ERCC6L2: variants seen among roughly 807,000 people sequenced by gnomAD.
The protein encoded by ERCC6L2 is DNA excision repair protein ERCC-6-like 2.
In ERCC6L2, 77 loss-of-function variants were observed where a neutral mutation model predicts 132.0. The observed-to-expected ratio is 0.58, with a 90% CI of 0.49 to 0.71. ERCC6L2 has a LOEUF of 0.71. Ranked by LOEUF, ERCC6L2 falls within the 30% of genes least tolerant of loss-of-function variation. The pLI is 0.00. For synonymous variants in ERCC6L2, 583 were observed against 632.4 expected (o/e 0.92, Z 1.17); for missense variants, 1,542 against 1,837.6 (o/e 0.84, Z 2.94).
At chr9:95,888,708 T>C (rs912106500) in intron 2 of ERCC6L2, among the ~76,000 whole-genome samples, 1 of 152,168 alleles carries the variant, frequency 6.6e-6, no homozygotes, top group Non-Finnish European at 1.5e-5. Flanking sequence ...CCAAATCTCC[T>C]TGCATGTCAG....
At position 96,017,063 on chromosome 9, in the gene ERCC6L2, C is replaced by T. The variant is rs932329805; in HGVS notation, c.*3860C>T. On this transcript the variant is annotated 3_prime_UTR_variant, in exon 19 of 19. Transcript: ENST00000653738. ...CTTCAAAGAGCAAGAGTGCCCATCACTTTCTAGGCTCCTTGCCTGCTGCTC... is the reference window on the plus strand; with the variant it reads ...CTTCAAAGAGCAAGAGTGCCCATCATTTTCTAGGCTCCTTGCCTGCTGCTC... Among the ~76,000 whole-genome samples, 1 of 152,208 alleles carries T rather than the reference C, an allele frequency of 6.6e-6. No individual in the cohort carries two copies. Among genetic ancestry groups the T allele is most frequent in the African/African-American group, 2.4e-5 (1 of 41,428 alleles).
intron 13 of ERCC6L2, among the ~76,000 whole-genome samples, chr9:95,964,881 G>A (rs1832081525): frequency 6.6e-6 from 1 of 152,032 alleles, no homozygotes; most frequent in South Asian, 2.1e-4. Context: ...TATAAATTTT[G>A]TAATAAAACT....
intron 11 of ERCC6L2, among the ~76,000 whole-genome samples, chr9:95,930,922 A>G (rs962820597): frequency 1.3e-5 from 2 of 152,122 alleles, no homozygotes; most frequent in African/African-American, 4.8e-5. Context: ...TTACTTTGTC[A>G]AGGGTATTAA....
chr9:95,946,832 T>C (rs1831087007), intron 12 of ERCC6L2, among the ~76,000 whole-genome samples: 1 of 152,206 alleles, frequency 6.6e-6, no homozygotes, highest in Non-Finnish European at 1.5e-5. Context: ...GATGGTGATC[T>C]GTGATCACTG....
At chr9:95,973,201 T>C (rs1356633998) in intron 16 of ERCC6L2, 113 bp downstream of exon 16, 1 of 658,082 alleles carries the variant, frequency 1.5e-6, no homozygotes, top group Non-Finnish European at 2.2e-6. Context: ...GATGCTGCAT[T>C]GAGGCACAAA....
At chr9:96,025,712 G>C (rs1280002854) in intron 19 of ERCC6L2, 1 of 152,174 alleles carries the variant, frequency 6.6e-6, no homozygotes, top group Non-Finnish European at 1.5e-5. Context: ...CATTTTGTTT[G>C]CATTGATATT....
chr9:96,035,402 G>A (rs894057713), intron 19 of ERCC6L2, among the ~76,000 whole-genome samples: 1 of 152,212 alleles, frequency 6.6e-6, no homozygotes, highest in South Asian at 2.1e-4. Flanking sequence ...GGCCATGAAA[G>A]CCTGGTGCTC....
Position 95,884,559 on chromosome 9 carries a change from G to A in ERCC6L2, c.471+3266G>A, listed in dbSNP as rs78428702. 5.6e-3 allele frequency among the ~76,000 whole-genome samples: 840 copies of A among 149,470 alleles called. 19 individuals carry two copies. In the East Asian group the frequency reaches 0.09, roughly 16 times the overall value. On this transcript the variant is annotated intron_variant, in intron 2 of 18. Coordinates refer to ENST00000653738, the MANE Select transcript of ERCC6L2 (RefSeq NM_020207.7). ...CCTTTTTATATTCTAATTTGGCCAT[G>A]ATATGAAACTGAAGTCTTTTTAAAG... is the stretch of plus-strand genomic sequence containing the variant.
intron 2 of ERCC6L2, among the ~76,000 whole-genome samples, chr9:95,897,583 G>A (rs1828534065): frequency 6.6e-6 from 1 of 152,130 alleles, no homozygotes; most frequent in Non-Finnish European, 1.5e-5. Flanking sequence ...AGTGTCTCAA[G>A]TGATGGAATT....
rs1828019312 is a variant in ERCC6L2 at position 95,888,973 on chromosome 9, T to C, written c.471+7680T>C. Among the ~76,000 whole-genome samples the C allele has an allele frequency of 2.0e-5, 3 of 152,272 alleles. No individual in the cohort carries two copies. The South Asian group carries it at 6.2e-4, about 32-fold the overall frequency. ...CTCCAGTTTGTATTCTCAACTAAAG[T>C]TTATTACTATTTCAACTTAAGTTTT... On this transcript the variant is annotated intron_variant, in intron 2 of 18. Transcript: ENST00000653738.
intron 2 of ERCC6L2, among the ~76,000 whole-genome samples, chr9:95,892,424 C>CTTTT (rs532088236): frequency 8.7e-6 from 1 of 115,120 alleles, no homozygotes; most frequent in Non-Finnish European, 1.8e-5. Flanking sequence ...GTGTATAAAT[C>CTTTT]TTTTTTTTTT....
Position 95,878,954 on chromosome 9 carries a change from G to A in ERCC6L2, c.47-1915G>A, listed in dbSNP as rs563637871. On this transcript the variant is annotated intron_variant, in intron 1 of 18. Transcript: ENST00000653738. ...CAAGTCTGCTATTGTGAATAGTGCC[G>A]CAATAAACATACGTGTGCATGTGTC... Among the ~76,000 whole-genome samples the A allele has an allele frequency of 4.1e-3, 628 of 152,102 alleles. 7 individuals are homozygous for A. Among genetic ancestry groups the A allele is most frequent in the African/African-American group, 0.014 (593 of 41,446 alleles).
chr9:95,923,456 CT>C, intron 9 of ERCC6L2, 77 bp downstream of exon 9: 1 of 1,512,566 alleles, frequency 6.6e-7, no homozygotes, highest in Non-Finnish European at 9.1e-7. Flanking sequence ...GAGACACCAA[CT>C]AATCAGAACA....
In ERCC6L2 at chr9:95,928,088, C is replaced by A. The variant is rs769736425; in HGVS notation, c.1543C>A (p.Gln515Lys). The A allele has an allele frequency of 3.1e-6, 5 of 1,612,486 alleles. No individual in the cohort carries two copies. The South Asian group carries it at 5.5e-5, about 18-fold the overall frequency. The change falls in exon 10 of 19, where the codon CAG (glutamine) becomes AAG (lysine). Residue 515 changes from glutamine to lysine, a missense_variant. By Grantham distance (53) the Gln-to-Lys change is moderately conservative. This residue lies in a region of ERCC6L2 where 945 missense variants were observed against 1,105.2 expected (regional missense o/e 0.86). Coordinates refer to ENST00000653738, the MANE Select transcript of ERCC6L2 (RefSeq NM_020207.7). ...KYSGKMKVLQ[Q>K]LLNHCRKNRD... ...TGTGGTTCATTTTCAGGTCCTTCAG[C>A]AGCTTTTAAATCATTGCAGGAAAAA...
intron 2 of ERCC6L2, among the ~76,000 whole-genome samples, chr9:95,888,137 C>G (rs1031060031): frequency 5.3e-5 from 8 of 151,208 alleles, no homozygotes; most frequent in Non-Finnish European, 8.8e-5. Flanking sequence ...CTCTCTGTAC[C>G]TTTGTATCTC....
In ERCC6L2 at chr9:95,972,378, C is replaced by G; in HGVS notation, c.2627C>G (p.Ser876Cys). 7.8e-7 allele frequency: 1 copy of G among 1,277,724 alleles called. No individual in the cohort carries two copies. 79.1% of individuals were successfully genotyped at this position (1,277,724 alleles called of 1,614,324 possible). ...AAGATTTTAGAACAGAATATTTCTT[C>G]CAAGTCTGACGAGAAAAAAATTAAA... is the stretch of plus-strand genomic sequence containing the variant. ...SEKILEQNIS[S>C]KSDEKKIKNT... Residue 876 changes from serine to cysteine, a missense_variant, in exon 16 of 19, where the codon TCC becomes TGC. Physicochemically the swap from Ser to Cys is moderately radical, Grantham distance 112 (BLOSUM62 -1). Transcript: ENST00000653738.
chr9:95,897,665 A>G (rs1828538758), intron 2 of ERCC6L2, among the ~76,000 whole-genome samples, 184 bp from the exon 3 acceptor site: 1 of 152,128 alleles, frequency 6.6e-6, no homozygotes, highest in South Asian at 2.1e-4. Flanking sequence ...TTGTTTGTTT[A>G]CAAGAGTGAA....
intron 5 of ERCC6L2, 123 bp from the exon 6 acceptor site, chr9:95,916,104 G>C (rs1829572779): frequency 1.5e-5 from 14 of 951,164 alleles, no homozygotes; most frequent in Non-Finnish European, 2.2e-5. Context: ...AGAACATTCT[G>C]TTTTCTTGGC....
intron 13 of ERCC6L2, among the ~76,000 whole-genome samples, chr9:95,958,812 A>G (rs929620692): frequency 6.6e-6 from 1 of 152,132 alleles, no homozygotes; most frequent in African/African-American, 2.4e-5. Context: ...TAGGAATCCT[A>G]CTTACAAGGG....
Sources: allele counts gnomAD v4.1 joint callset (sites outside exome capture counted in the v4.1 genomes callset), GRCh38; gene constraint gnomAD v4.1.1; regional missense constraint gnomAD v4.1.1; transcripts MANE v1.5; gene names NCBI Gene and HGNC (gene_info 2026-07-23, HGNC 2026-07-21).